The following ZNF845 variants were observed in gnomAD, a reference collection of about 807,000 sequenced individuals.
ZNF845 encodes zinc finger protein 845.
Under a neutral mutation model 76.1 loss-of-function variants are expected in ZNF845, and 59 were observed. The ratio of observed to expected loss-of-function variants is 0.78; its 90% CI spans 0.63 to 0.96. The LOEUF (loss-of-function observed/expected upper bound fraction) is 0.96. Among genes scored for constraint, ZNF845 ranks in the 40% least tolerant of loss-of-function variants. The pLI is 0.00. For missense variants in ZNF845, 1,045 were observed against 1,172.8 expected (o/e 0.89, Z 1.59); for synonymous variants, 361 against 386.9 (o/e 0.93, Z 0.78).
In ZNF845 at chr19:53,353,636, AAGAC is replaced by A. The variant is rs1439594820; in HGVS notation, c.*51_*54del. 1 of 1,527,128 alleles carries A rather than the reference AAGAC, an allele frequency of 6.5e-7. No homozygotes were observed. The highest frequency in any genetic ancestry group is 1.3e-5 in the South Asian group (1 of 77,122). The allele number at this position is 1,527,128 out of a possible 1,614,324, so 94.6% of individuals were successfully genotyped here. Reference sequence around the variant, plus strand: ...TTTACAGTTGTAAATCAAGTCTTGAAAGACAGGAGAATTCATACTGGAGAGAAAG... The same window carrying A: ...TTTACAGTTGTAAATCAAGTCTTGAAAGGAGAATTCATACTGGAGAGAAAG... On this transcript the variant is annotated 3_prime_UTR_variant, in exon 4 of 4. Transcript: ENST00000458035.
intron 3 of ZNF845, among the ~76,000 whole-genome samples, chr19:53,348,818 G>A (rs867923749): frequency 6.7e-6 from 1 of 148,502 alleles, no homozygotes; most frequent in East Asian, 2.0e-4. Context: ...TTGTGACATC[G>A]TAGTTGCACC....
intron 1 of ZNF845, among the ~76,000 whole-genome samples, chr19:53,336,169 G>A (rs1228590775): frequency 7.1e-6 from 1 of 141,128 alleles, no homozygotes; most frequent in African/African-American, 2.7e-5. Context: ...CCAAGATTGC[G>A]CCACTGCATT....
In ZNF845 at chr19:53,350,914, A is replaced by T; in HGVS notation, c.239A>T (p.His80Leu). Residue 80 changes from histidine to leucine, a missense_variant, in exon 4 of 4, where the codon CAT (histidine) becomes CTT (leucine). Transcript: ENST00000458035. ...HTGTLQRHER[H>L]HIGDFCFQEM... is the part of the protein sequence containing the mutation. Reference sequence around the variant, plus strand: ...GGGACATTGCAAAGACATGAACGTCATCACATTGGAGATTTTTGCTTCCAG... The same window carrying T: ...GGGACATTGCAAAGACATGAACGTCTTCACATTGGAGATTTTTGCTTCCAG... 6.2e-7 allele frequency: 1 copy of T among 1,614,246 alleles called. No individual in the cohort carries two copies. The highest frequency in any genetic ancestry group is 8.5e-7 in the Non-Finnish European group (1 of 1,180,048).
chr19:53,334,253 A>G (rs532401471), intron 1 of ZNF845, among the ~76,000 whole-genome samples: 4 of 152,172 alleles, frequency 2.6e-5, no homozygotes, highest in Admixed American at 1.3e-4. Flanking sequence ...GGGCTGTCCT[A>G]TGACACCGGG....
intron 2 of ZNF845, among the ~76,000 whole-genome samples, chr19:53,342,688 T>C (rs911858909): frequency 5.9e-5 from 9 of 152,214 alleles, no homozygotes; most frequent in Admixed American, 5.9e-4. Context: ...AAAATATATA[T>C]TTATGGTTTT....
chr19:53,338,714 ACACACACG>A (rs746458977), intron 1 of ZNF845, among the ~76,000 whole-genome samples: 9 of 101,462 alleles, frequency 8.9e-5, no homozygotes, highest in Non-Finnish European at 2.0e-4. Context: ...ACACACACAC[ACACACACG>A]CACACACACA....
intron 1 of ZNF845, among the ~76,000 whole-genome samples, chr19:53,337,328 G>A (rs2085222688): frequency 2.0e-5 from 3 of 146,558 alleles, no homozygotes; most frequent in Admixed American, 1.4e-4. Flanking sequence ...TCTCTATCAC[G>A]TTACTCAGAT....
At position 53,356,495 on chromosome 19, in the gene ZNF845, A is replaced by C. The variant is rs1355223573; in HGVS notation, c.*2907A>C. 6.6e-6 allele frequency: 1 copy of C among 152,296 alleles called. No homozygotes were observed. Among genetic ancestry groups the C allele is most frequent in the South Asian group, 2.1e-4 (1 of 4,830 alleles). The allele number at this position is 152,296 out of a possible 1,614,324, so 9.4% of individuals were successfully genotyped here. On this transcript the variant is annotated 3_prime_UTR_variant, in exon 4 of 4. Transcript: ENST00000458035. ...TGAGGCTGAAGTGAGCCCTGATCTC[A>C]CCACTGCACTCCAGCCTGGGTGACA...
In ZNF845 at chr19:53,334,483, G is replaced by T. The variant is rs138250096; in HGVS notation, c.-74+691G>T. On this transcript the variant is annotated intron_variant, in intron 1 of 3. Coordinates refer to ENST00000458035, the MANE Select transcript of ZNF845 (RefSeq NM_138374.3). ...GGATTTGCCAAGAGAGAGCAAAAAT[G>T]AAAAAAACAAAACAAAACAAAAAAC... 5.4e-4 allele frequency among the ~76,000 whole-genome samples: 82 copies of T among 151,550 alleles called. 1 individual carries two copies. The highest frequency in any genetic ancestry group is 1.9e-3 in the Admixed American group (29 of 15,194).
chr19:53,343,985 G>C (rs905132779), intron 2 of ZNF845, among the ~76,000 whole-genome samples: 18 of 151,008 alleles, frequency 1.2e-4, no homozygotes, highest in African/African-American at 4.1e-4. Flanking sequence ...ATGCCCGGCT[G>C]ATTTTTTTTT....
At chr19:53,342,268 C>A (rs1007390238) in intron 2 of ZNF845, among the ~76,000 whole-genome samples, 1 of 151,942 alleles carries the variant, frequency 6.6e-6, no homozygotes, top group Non-Finnish European at 1.5e-5. Flanking sequence ...GCACGCACCA[C>A]CACACCCGGA....
rs772818397 is a variant in ZNF845, at chr19:53,336,632, T to TC, written c.-74+2841dup. ...GTTCCTCTTCCTTCCTTTCTTTCTT[T>TC]CTTTTTTTTTTTTTTTTTTTTGCAG... On this transcript the variant is annotated intron_variant, in intron 1 of 3. Coordinates refer to ENST00000458035, the MANE Select transcript of ZNF845 (RefSeq NM_138374.3). Among the ~76,000 whole-genome samples the TC allele has an allele frequency of 7.2e-5, 9 of 124,476 alleles. No individual in the cohort carries two copies. In the Admixed American group the frequency reaches 8.4e-4, roughly 12 times the overall value. 81.7% of individuals were successfully genotyped at this position (124,476 alleles called of 152,430 possible).
At chr19:53,343,024 G>A (rs1167045750) in intron 2 of ZNF845, among the ~76,000 whole-genome samples, 2 of 152,042 alleles carry the variant, frequency 1.3e-5, no homozygotes, top group Middle Eastern at 6.8e-3. Context: ...TCACCATGTT[G>A]GCCAGGCTGG....
chr19:53,338,281 C>T (rs2085230157), intron 1 of ZNF845, among the ~76,000 whole-genome samples: 2 of 152,180 alleles, frequency 1.3e-5, no homozygotes, highest in African/African-American at 2.4e-5. Context: ...GAAAGCCCTA[C>T]AGACCAGACC....
At chr19:53,350,126 AATATTGT>A (rs1291977778) in intron 3 of ZNF845, among the ~76,000 whole-genome samples, 1 of 151,530 alleles carries the variant, frequency 6.6e-6, no homozygotes, top group Non-Finnish European at 1.5e-5. Flanking sequence ...TATTCAGAAA[AATATTGT>A]ATTAACTTTT....
At chr19:53,341,617 T>A (rs2085257629) in intron 2 of ZNF845, among the ~76,000 whole-genome samples, 1 of 151,522 alleles carries the variant, frequency 6.6e-6, no homozygotes, top group Admixed American at 6.6e-5. Flanking sequence ...GCAGGGATTG[T>A]TCAGGGGCCA....
At chr19:53,334,371 CTGAG>C (rs1014500170) in intron 1 of ZNF845, among the ~76,000 whole-genome samples, 6 of 151,970 alleles carry the variant, frequency 3.9e-5, no homozygotes, top group African/African-American at 1.5e-4. Context: ...GATCAGGAGA[CTGAG>C]AGAGAGAGCA....
Position 53,352,919 on chromosome 19 carries a change from A to G in ZNF845, c.2244A>G (p.Lys748=). The change falls in exon 4 of 4, where the codon AAA becomes AAG. Residue 748 remains lysine, a synonymous_variant. Coordinates refer to ENST00000458035, the MANE Select transcript of ZNF845 (RefSeq NM_138374.3). The part of the protein sequence containing the change: ...LRLHTGEKPY[K]CEECDKVFSR... Reference sequence around the variant, plus strand: ...TTCATACTGGAGAGAAACCTTACAAATGTGAAGAATGTGACAAAGTTTTCA... The same window carrying G: ...TTCATACTGGAGAGAAACCTTACAAGTGTGAAGAATGTGACAAAGTTTTCA... 9.9e-6 allele frequency: 16 copies of G among 1,612,516 alleles called. No homozygotes were observed. The highest frequency in any genetic ancestry group is 1.4e-5 in the Non-Finnish European group (16 of 1,179,610).
intron 1 of ZNF845, among the ~76,000 whole-genome samples, chr19:53,334,960 A>T (rs1219540056): frequency 6.6e-6 from 1 of 152,168 alleles, no homozygotes; most frequent in Admixed American, 6.5e-5. Flanking sequence ...GGGTGAGTTC[A>T]TTGGATATGA....
Sources: gnomAD v4.1 joint callset for allele counts (sites outside exome capture counted in the v4.1 genomes callset) on GRCh38, gnomAD v4.1.1 for gene constraint, MANE v1.5 for transcripts, NCBI Gene and HGNC (gene_info 2026-07-23, HGNC 2026-07-21) for gene names.